The following KCNC2 variants were observed in gnomAD, a reference collection of about 807,000 sequenced individuals.
The protein encoded by KCNC2 is voltage-gated potassium channel KCNC2.
KCNC2 carries 21 observed loss-of-function variants against 44.5 expected under a neutral mutation model. That is an observed-to-expected ratio of 0.47 (90% CI 0.33 to 0.68). The LOEUF is 0.68. Ranked by LOEUF, KCNC2 falls within the 30% of genes least tolerant of loss-of-function variation. The probability of loss-of-function intolerance (pLI) is 0.01; values close to 1 mark genes in which losing one functional copy is unlikely to be tolerated. For synonymous variants in KCNC2, 391 were observed against 339.1 expected (o/e 1.15, Z -1.68); for missense variants, 589 against 826.2 (o/e 0.71, Z 3.52).
intron 2 of KCNC2, among the ~76,000 whole-genome samples, chr12:75,112,357 G>A (rs1272674117): frequency 6.6e-6 from 1 of 151,960 alleles, no homozygotes; most frequent in Admixed American, 6.6e-5. Context: ...ATTACATTTA[G>A]TTTCAAGGAC....
intron 2 of KCNC2, among the ~76,000 whole-genome samples, chr12:75,088,815 G>A (rs752932356): frequency 9.9e-5 from 15 of 151,682 alleles, no homozygotes; most frequent in Non-Finnish European, 1.9e-4. Flanking sequence ...AAATGCTGTG[G>A]ATTTATATAT....
rs960544524 is a variant in KCNC2 at position 75,048,302 on chromosome 12, T to C, written c.1631A>G (p.Asp544Gly). Residue 544 changes from aspartate (D) to glycine (G), a missense_variant, in exon 4 of 5, where the codon GAC becomes GGC. By Grantham distance (94) the Asp-to-Gly change is moderately conservative. Around this residue, in one of 7 missense-constraint regions of KCNC2, gnomAD observed 171 missense variants for 182.4 expected, o/e 0.94. Transcript: ENST00000549446. ...EHNRSVLSGD[D>G]STGSEPPLSP... is the part of the protein sequence containing the mutation. ...TAGTGGCGGCTCACTTCCTGTACTG[T>C]CGTCACCTGATAACACTGGTCACAG... 2 of 1,611,494 alleles carry C rather than the reference T, an allele frequency of 1.2e-6. No homozygotes were observed. Among genetic ancestry groups the C allele is most frequent in the South Asian group, 1.1e-5 (1 of 90,810 alleles).
intron 2 of KCNC2, among the ~76,000 whole-genome samples, chr12:75,058,239 AATG>A (rs1302935210): frequency 6.6e-6 from 1 of 152,034 alleles, no homozygotes; most frequent in East Asian, 1.9e-4. Context: ...CACTCTTAAT[AATG>A]ATAATGGACA....
chr12:75,111,960 T>C (rs1159069709), intron 2 of KCNC2, among the ~76,000 whole-genome samples: 2 of 151,362 alleles, frequency 1.3e-5, no homozygotes, highest in Non-Finnish European at 3.0e-5. Context: ...TATTAAAAAA[T>C]GAAGAAAACT....
chr12:75,075,469 A>C (rs3073565), intron 2 of KCNC2, among the ~76,000 whole-genome samples: 130,867 of 146,432 alleles, frequency 0.89, 58,532 homozygotes, highest in Admixed American at 0.92. Context: ...ATATATATAT[A>C]TATATATATA....
intron 2 of KCNC2, among the ~76,000 whole-genome samples, chr12:75,203,520 T>A (rs2031461322): frequency 6.6e-6 from 1 of 151,774 alleles, no homozygotes; most frequent in Non-Finnish European, 1.5e-5. Context: ...GTAAATGAGA[T>A]AAAGGTCAGG....
At chr12:75,127,393 T>C (rs931116447) in intron 2 of KCNC2, among the ~76,000 whole-genome samples, 1 of 152,144 alleles carries the variant, frequency 6.6e-6, no homozygotes, top group Admixed American at 6.6e-5. Context: ...CAACAGGCAG[T>C]CTCAATAGTC....
rs1879970003 is a variant in KCNC2 at position 75,042,091 on chromosome 12, G to A, written c.*1014C>T. ...CCTTCTGTGAACACCAGTGACATTT[G>A]ATGTTTGCACAAAAAATTAATAAAT... On this transcript the variant is annotated 3_prime_UTR_variant, in exon 5 of 5. Coordinates refer to ENST00000549446, the MANE Select transcript of KCNC2 (RefSeq NM_139137.4). 2 of 1,230,712 alleles carry A rather than the reference G, an allele frequency of 1.6e-6. No homozygotes were observed. Among genetic ancestry groups the A allele is most frequent in the African/African-American group, 1.6e-5 (1 of 63,922 alleles). 76.2% of individuals were successfully genotyped at this position (1,230,712 alleles called of 1,614,324 possible).
At chr12:75,054,998 T>G (rs757618367) in intron 2 of KCNC2, among the ~76,000 whole-genome samples, 2 of 152,142 alleles carry the variant, frequency 1.3e-5, no homozygotes, top group Non-Finnish European at 2.9e-5. Context: ...AGAGCTTAAA[T>G]GGGTAAATAT....
intron 2 of KCNC2, among the ~76,000 whole-genome samples, chr12:75,144,198 A>T (rs1264695331): frequency 1.3e-5 from 2 of 152,148 alleles, no homozygotes; most frequent in African/African-American, 2.4e-5. Context: ...TATCTTTTTT[A>T]AAAAATTAAT....
chr12:75,080,896 G>A (rs570301808), intron 2 of KCNC2, among the ~76,000 whole-genome samples: 4 of 152,082 alleles, frequency 2.6e-5, no homozygotes, highest in Non-Finnish European at 5.9e-5. Context: ...ATAGCCCTCA[G>A]TACATAATGC....
chr12:75,155,090 A>G (rs553058353), intron 2 of KCNC2, among the ~76,000 whole-genome samples: 1 of 150,378 alleles, frequency 6.6e-6, no homozygotes, highest in East Asian at 2.0e-4. Context: ...AAAAAATTAT[A>G]GATTCAATCT....
chr12:75,137,271 T>G (rs994977420), intron 2 of KCNC2, among the ~76,000 whole-genome samples: 1 of 152,202 alleles, frequency 6.6e-6, no homozygotes, highest in African/African-American at 2.4e-5. Context: ...AGCTCTTTTT[T>G]CTTTACACTC....
At chr12:75,082,131 T>G (rs1884569212) in intron 2 of KCNC2, among the ~76,000 whole-genome samples, 1 of 130,252 alleles carries the variant, frequency 7.7e-6, no homozygotes, top group Non-Finnish European at 1.6e-5. Context: ...ATTAAAGCAC[T>G]GTTTGCTGAC....
chr12:75,172,442 G>A (rs577623164), intron 2 of KCNC2, among the ~76,000 whole-genome samples: 1 of 151,470 alleles, frequency 6.6e-6, no homozygotes, highest in Non-Finnish European at 1.5e-5. Flanking sequence ...ATTTACCTAT[G>A]TAAGAAATTT....
At chr12:75,174,185 A>T (rs1892023359) in intron 2 of KCNC2, among the ~76,000 whole-genome samples, 1 of 149,916 alleles carries the variant, frequency 6.7e-6, no homozygotes, top group East Asian at 2.0e-4. Context: ...TGTATTTTTT[A>T]TACCATGTAT....
At chr12:75,086,430 C>T (rs1301270625) in intron 2 of KCNC2, among the ~76,000 whole-genome samples, 1 of 151,834 alleles carries the variant, frequency 6.6e-6, no homozygotes, top group Non-Finnish European at 1.5e-5. Flanking sequence ...AAATAAAATG[C>T]AGTTTTGTAT....
rs1880761241 is a variant in KCNC2, at chr12:75,048,256, G to A, written c.1677C>T (p.Pro559=). 4 of 1,612,944 alleles carry A rather than the reference G, an allele frequency of 2.5e-6. No individual in the cohort carries two copies. The highest frequency in any genetic ancestry group is 2.2e-5 in the East Asian group (1 of 44,834). The change falls in exon 4 of 5, where the codon CCC becomes CCT. Residue 559 remains proline (P), a synonymous_variant. Transcript: ENST00000549446. ...EPPLSPPERL[P]IRRSSTRDKN... ...TGTCTCTGGTACTAGAGCGTCTGAT[G>A]GGGAGCCTTTCTGGGGGTGATAGTG... is the stretch of plus-strand genomic sequence containing the variant.
At chr12:75,097,052 G>GGA (rs781041559) in intron 2 of KCNC2, among the ~76,000 whole-genome samples, 14 of 152,016 alleles carry the variant, frequency 9.2e-5, no homozygotes, top group Middle Eastern at 3.4e-3. Flanking sequence ...CTGACACAGT[G>GGA]GAATGTTATA....
Sources: allele counts gnomAD v4.1 joint callset (sites outside exome capture counted in the v4.1 genomes callset), GRCh38; gene constraint gnomAD v4.1.1; regional missense constraint gnomAD v4.1.1; transcripts MANE v1.5; gene names NCBI Gene and HGNC (gene_info 2026-07-23, HGNC 2026-07-21).